Variants in GPR143 observed in about 807,000 individuals in gnomAD.
GPR143 encodes the protein G protein-coupled receptor 143, also known as G-protein coupled receptor 143.
In GPR143, 8 loss-of-function variants were observed where a neutral mutation model predicts 27.6. That is an observed-to-expected ratio of 0.29 (90% CI 0.17 to 0.52). GPR143 has a LOEUF of 0.52. Ranked by LOEUF, GPR143 falls within the 20% of genes least tolerant of loss-of-function variation. GPR143 has a pLI of 0.96. For synonymous variants in GPR143, 156 were observed against 153.2 expected (o/e 1.02, Z -0.13); for missense variants, 303 against 343.1 (o/e 0.88, Z 0.92).
upstream of GPR143, among the ~76,000 whole-genome samples, chrX:9,766,783 G>C (rs1344327444): frequency 9.1e-6 from 1 of 109,606 alleles, no homozygotes. Flanking sequence ...TGTAGCCCTA[G>C]CTTCTGGGGA....
intron 3 of GPR143, among the ~76,000 whole-genome samples, chrX:9,753,982 T>G (rs555065481): frequency 1.8e-5 from 2 of 111,759 alleles, no homozygotes; most frequent in East Asian, 2.8e-4. Flanking sequence ...GGCCGCAGCC[T>G]TCCAGATGCC....
chrX:9,734,204 T>C (rs1438538106), intron 8 of GPR143, among the ~76,000 whole-genome samples: 2 of 107,780 alleles, frequency 1.9e-5, no homozygotes, highest in Non-Finnish European at 3.8e-5. Flanking sequence ...GTGAGAGAAA[T>C]AGGGAATTAT....
At chrX:9,772,175 T>C (rs1413272139) in intron 1 of GPR143, among the ~76,000 whole-genome samples, 1 of 111,886 alleles carries the variant, frequency 8.9e-6, no homozygotes, top group African/African-American at 3.3e-5. Flanking sequence ...AGATAAGGAC[T>C]GAGAGAGGCA....
At chrX:9,772,478 T>C (rs908467538) in intron 1 of GPR143, among the ~76,000 whole-genome samples, 2 of 111,729 alleles carry the variant, frequency 1.8e-5, no homozygotes, top group African/African-American at 6.5e-5. Flanking sequence ...TGCTTCACAG[T>C]GATTCAATTT....
intron 8 of GPR143, among the ~76,000 whole-genome samples, chrX:9,728,300 C>A (rs1470008665): frequency 9.2e-6 from 1 of 109,081 alleles, no homozygotes; most frequent in African/African-American, 3.4e-5. Flanking sequence ...GCACTAGTAC[C>A]TTGGAGCACT....
At chrX:9,770,156 C>T (rs768524083), upstream of GPR143, among the ~76,000 whole-genome samples, 1 of 59,736 alleles carries the variant, frequency 1.7e-5, no homozygotes, top group Non-Finnish European at 3.0e-5. Flanking sequence ...CCACCTCCCC[C>T]AGTCAAAAAA....
rs772523070 is a variant in GPR143, at chrX:9,776,981, T to C, written c.-3+9261A>G. ...AAAAATGAGCCAGATGGTAAATTCT[T>C]CAAACTTTGCAGCCCACCTGGTCTT... On this transcript the variant is annotated intron_variant, in intron 1 of 7. Transcript: ENST00000447366. 1.6e-4 allele frequency among the ~76,000 whole-genome samples: 18 copies of C among 111,742 alleles called. 1 individual carries two copies. The South Asian group carries it at 6.8e-3, about 42-fold the overall frequency.
rs371108277 is a variant in GPR143 at position 9,746,019 on chromosome X, C to T, written c.658+25G>A. 5 of 966,086 alleles carry T rather than the reference C, an allele frequency of 5.2e-6. No individual in the cohort carries two copies. In the Admixed American group the frequency reaches 6.6e-5, roughly 13 times the overall value. 79.6% of individuals were successfully genotyped at this position (966,086 alleles called of 1,213,427 possible). On this transcript the variant is annotated intron_variant, in intron 5 of 8. Transcript: ENST00000467482. ...TGGGGCCGCTCCCAGTGGCCGTGTA[C>T]CCAGAGAGCTTCCCTAGTATTTACC... is the stretch of plus-strand genomic sequence containing the variant.
intron 8 of GPR143, among the ~76,000 whole-genome samples, chrX:9,735,862 T>C (rs949551535): frequency 8.9e-6 from 1 of 112,179 alleles, no homozygotes; most frequent in Non-Finnish European, 1.9e-5. Flanking sequence ...TTTCTGTATC[T>C]GCCATCGTAG....
At chrX:9,759,851 C>G (rs1009331816) in intron 2 of GPR143, among the ~76,000 whole-genome samples, 1 of 111,175 alleles carries the variant, frequency 9.0e-6, no homozygotes, top group Admixed American at 9.6e-5. Context: ...TGTCTCGCCA[C>G]TGCGGGCTGA....
At chrX:9,732,534 A>G (rs1417736539) in intron 8 of GPR143, among the ~76,000 whole-genome samples, 2 of 111,379 alleles carry the variant, frequency 1.8e-5, no homozygotes, top group African/African-American at 6.5e-5. Flanking sequence ...GTATAGAGAG[A>G]ATACAATTAC....
At chrX:9,757,754 T>G (rs1423746589) in intron 3 of GPR143, among the ~76,000 whole-genome samples, 1 of 110,685 alleles carries the variant, frequency 9.0e-6, no homozygotes, top group African/African-American at 3.3e-5. Flanking sequence ...AGCTGGGTTT[T>G]TTGTTGTTGT....
At chrX:9,739,977 G>A (rs1227854379) in intron 7 of GPR143, among the ~76,000 whole-genome samples, 2 of 110,613 alleles carry the variant, frequency 1.8e-5, no homozygotes, top group Non-Finnish European at 3.8e-5. Context: ...GGGACGGGGA[G>A]GAGCTGGAGT....
At chrX:9,743,714 C>G (rs765941674) in intron 5 of GPR143, 41 bp from the exon 6 acceptor site, 1 of 806,206 alleles carries the variant, frequency 1.2e-6, no homozygotes, top group Non-Finnish European at 1.9e-6. Flanking sequence ...GTTCATTATT[C>G]ATGTTTACGG....
chrX:9,761,162 C>G (rs1369863291), intron 1 of GPR143, among the ~76,000 whole-genome samples: 1 of 111,250 alleles, frequency 9.0e-6, no homozygotes, highest in African/African-American at 3.3e-5. Flanking sequence ...GGTAAAAACC[C>G]TGCTCACTGC....
In GPR143 at chrX:9,725,651, G is replaced by A. The variant is rs889663436; in HGVS notation, c.*95C>T. The A allele has an allele frequency of 2.3e-5, 15 of 657,950 alleles. No individual in the cohort carries two copies. The highest frequency in any genetic ancestry group is 7.1e-5 in the South Asian group (3 of 42,195). The allele number at this position is 657,950 out of a possible 1,213,427, so 54.2% of individuals were successfully genotyped here. A position where few individuals can be genotyped will look rare whatever the true frequency, so the allele number is the denominator to read the frequency against. On this transcript the variant is annotated 3_prime_UTR_variant, in exon 9 of 9. Coordinates refer to ENST00000467482, the MANE Select transcript of GPR143 (RefSeq NM_000273.3). ...CAAGGTTTGGGGGCCGCTACACTTCGGCAGTGCAGTGTTGGGAAGGTGAGA... is the reference window on the plus strand; with the variant it reads ...CAAGGTTTGGGGGCCGCTACACTTCAGCAGTGCAGTGTTGGGAAGGTGAGA...
intron 3 of GPR143, among the ~76,000 whole-genome samples, chrX:9,750,057 C>T (rs1446850640): frequency 8.9e-6 from 1 of 112,536 alleles, no homozygotes; most frequent in Non-Finnish European, 1.9e-5. Flanking sequence ...TGAGCCATAG[C>T]GGCGGCCCTT....
intron 1 of GPR143, among the ~76,000 whole-genome samples, chrX:9,763,572 C>G (rs1035309241): frequency 6.3e-5 from 7 of 111,462 alleles, no homozygotes; most frequent in Admixed American, 4.8e-4. Flanking sequence ...GATGATGGAG[C>G]CTGAGATTGG....
intron 2 of GPR143, among the ~76,000 whole-genome samples, chrX:9,760,178 G>A (rs188655946): frequency 3.6e-5 from 4 of 111,507 alleles, no homozygotes; most frequent in Admixed American, 9.5e-5. Flanking sequence ...TGCAACCTCC[G>A]CCTCCCGGGT....
Sources: gnomAD v4.1 joint callset for allele counts (sites outside exome capture counted in the v4.1 genomes callset) on GRCh38, gnomAD v4.1.1 for gene constraint, MANE v1.5 for transcripts, NCBI Gene and HGNC (gene_info 2026-07-23, HGNC 2026-07-21) for gene names.